Variants in AMD1 observed in about 807,000 individuals in gnomAD.
The protein encoded by AMD1 is adenosylmethionine decarboxylase 1.
In AMD1, 11 loss-of-function variants were observed where a neutral mutation model predicts 40.2. That is an observed-to-expected ratio of 0.27 (90% CI 0.17 to 0.45). AMD1 has a LOEUF of 0.45. AMD1 is among the 20% of genes least tolerant of loss of function. The probability of loss-of-function intolerance (pLI) is 1.00; values close to 1 mark genes in which losing one functional copy is unlikely to be tolerated. For synonymous variants in AMD1, 121 were observed against 130.8 expected, an observed-to-expected ratio of 0.93 and a Z score of 0.51; for missense variants, 257 against 410.2, an observed-to-expected ratio of 0.63 and a Z score of 3.23.
chr6:110,874,851 G>A lies in AMD1; in HGVS notation c.-255G>A. 2.3e-6 allele frequency: 1 copy of A among 438,292 alleles called. No individual in the cohort carries two copies. Among genetic ancestry groups the A allele is most frequent in the Non-Finnish European group, 4.1e-6 (1 of 243,132 alleles). 27.2% of individuals were successfully genotyped at this position (438,292 alleles called of 1,614,324 possible). A position where few individuals can be genotyped will look rare whatever the true frequency, so the allele number is the denominator to read the frequency against. On this transcript the variant is annotated 5_prime_UTR_variant, in exon 1 of 9. Transcript: ENST00000368885. ...TACTCTCTCTAACGGGAAAGCAGCG[G>A]AATACAAGAGACTGAACTGTATCTG...
chr6:110,840,013 CTTTTTTT>C, the AMD1 span, among the ~76,000 whole-genome samples: 3 of 92,874 alleles, frequency 3.2e-5, no homozygotes, highest in Admixed American at 1.1e-4. Context: ...GATTCTCTCT[CTTTTTTT>C]TTTTTTTTTT....
intron 1 of AMD1, among the ~76,000 whole-genome samples, chr6:110,884,868 A>C (rs1785600462): frequency 6.6e-6 from 1 of 152,228 alleles, no homozygotes; most frequent in African/African-American, 2.4e-5. Flanking sequence ...GGTAAAAAGG[A>C]GTATGTGCAA....
At chr6:110,845,783 T>G in the AMD1 span, among the ~76,000 whole-genome samples, 2 of 152,200 alleles carry the variant, frequency 1.3e-5, no homozygotes, top group African/African-American at 4.8e-5. Flanking sequence ...CAGCCTACTG[T>G]GGGACTTCGC....
chr6:110,843,826 G>A, the AMD1 span, among the ~76,000 whole-genome samples: 2 of 152,080 alleles, frequency 1.3e-5, no homozygotes, highest in Admixed American at 6.6e-5. Context: ...GAGCTCAAGC[G>A]ATCTGCCTGC....
upstream of AMD1, among the ~76,000 whole-genome samples, chr6:110,870,994 A>T (rs1583205458): frequency 6.6e-6 from 1 of 152,232 alleles, no homozygotes; most frequent in East Asian, 1.9e-4. Context: ...GATCTAAATG[A>T]CAAGAATGAA....
the AMD1 span, among the ~76,000 whole-genome samples, chr6:110,833,227 A>G: frequency 6.6e-6 from 1 of 152,242 alleles, no homozygotes. Flanking sequence ...ACAGTACTCC[A>G]TAGACATTCA....
At chr6:110,875,805 C>T (rs1583208930) in intron 1 of AMD1, among the ~76,000 whole-genome samples, 2 of 152,146 alleles carry the variant, frequency 1.3e-5, no homozygotes, top group East Asian at 1.9e-4. Flanking sequence ...GGCGTTCGGG[C>T]GGCGGGGATT....
chr6:110,857,320 G>T, the AMD1 span, among the ~76,000 whole-genome samples: 1 of 151,982 alleles, frequency 6.6e-6, no homozygotes, highest in Non-Finnish European at 1.5e-5. Context: ...ATCACCTGAG[G>T]TTGGGAGTTC....
chr6:110,887,804 G>A (rs1009279037), intron 2 of AMD1, among the ~76,000 whole-genome samples: 4 of 152,084 alleles, frequency 2.6e-5, no homozygotes, highest in African/African-American at 7.2e-5. Context: ...TCCGGCCTAA[G>A]CCTCCTGAGG....
chr6:110,863,053 T>C, the AMD1 span, among the ~76,000 whole-genome samples: 1 of 151,988 alleles, frequency 6.6e-6, no homozygotes, highest in African/African-American at 2.4e-5. Context: ...CACGCCATTC[T>C]CCTGCCTCAG....
chr6:110,850,848 T>C, the AMD1 span, among the ~76,000 whole-genome samples: 1 of 152,220 alleles, frequency 6.6e-6, no homozygotes, highest in Non-Finnish European at 1.5e-5. Context: ...AAAGAAGGCA[T>C]CTTGGTTCTA....
chr6:110,852,777 T>C, the AMD1 span, among the ~76,000 whole-genome samples: 9 of 152,230 alleles, frequency 5.9e-5, no homozygotes, highest in African/African-American at 1.2e-4. Flanking sequence ...TTTCATACTT[T>C]GACCCAACAC....
chr6:110,882,695 T>A (rs1173664533), intron 1 of AMD1, among the ~76,000 whole-genome samples: 1 of 152,206 alleles, frequency 6.6e-6, no homozygotes, highest in Non-Finnish European at 1.5e-5. Context: ...TTTAACTGTT[T>A]GTCCTAGGTT....
the AMD1 span, among the ~76,000 whole-genome samples, chr6:110,835,794 GGCAGAGGTT>G: frequency 6.6e-6 from 1 of 151,578 alleles, no homozygotes; most frequent in Non-Finnish European, 1.5e-5. Flanking sequence ...GAACCCAGGA[GGCAGAGGTT>G]GCAGTGAGCC....
the AMD1 span, among the ~76,000 whole-genome samples, chr6:110,844,314 T>C: frequency 6.6e-6 from 1 of 151,094 alleles, no homozygotes; most frequent in African/African-American, 2.4e-5. Context: ...TGTGCCACAA[T>C]GCCTGGCTAG....
At chr6:110,862,926 GTTTGTTTGTT>G in the AMD1 span, among the ~76,000 whole-genome samples, 25,935 of 151,328 alleles carry the variant, frequency 0.17, 2,951 homozygotes, top group Middle Eastern at 0.28. Context: ...TCAGTTTTTT[GTTTGTTTGTT>G]TTTGTTTGTT....
At chr6:110,871,900 T>C (rs1784924279), upstream of AMD1, among the ~76,000 whole-genome samples, 1 of 151,802 alleles carries the variant, frequency 6.6e-6, no homozygotes, top group African/African-American at 2.4e-5. Flanking sequence ...AGGGAGAAAA[T>C]GTATGTAGAA....
At chr6:110,856,715 A>G in the AMD1 span, among the ~76,000 whole-genome samples, 3 of 152,198 alleles carry the variant, frequency 2.0e-5, no homozygotes, top group African/African-American at 7.2e-5. Context: ...AATAGGCTGA[A>G]ATGGACTTTC....
rs1786071760 is a variant in AMD1, at chr6:110,892,344, G to A, written c.516G>A (p.Gln172=). 6.2e-7 allele frequency: 1 copy of A among 1,613,418 alleles called. No individual in the cohort carries two copies. Among genetic ancestry groups the A allele is most frequent in the East Asian group, 2.2e-5 (1 of 44,882 alleles). The change falls in exon 6 of 9, where the codon CAG becomes CAA. Residue 172 remains glutamine (Q), a synonymous_variant. Transcript: ENST00000368885. ...LDFPESRVIS[Q]PDQTLEILMS... ...TCCCAGAGAGTCGGGTAATCAGTCA[G>A]CCAGATCAAACCTTGGAAATTCTGA...
Sources: gnomAD v4.1 joint callset for allele counts (sites outside exome capture counted in the v4.1 genomes callset) on GRCh38, gnomAD v4.1.1 for gene constraint, MANE v1.5 for transcripts, NCBI Gene and HGNC (gene_info 2026-07-23, HGNC 2026-07-21) for gene names.